Variants in NRXN3 observed in about 807,000 individuals in gnomAD.
NRXN3 encodes the protein neurexin 3.
In NRXN3, 32 loss-of-function variants were observed where a neutral mutation model predicts 137.6. The observed-to-expected ratio is 0.23, with a 90% CI of 0.18 to 0.31. The LOEUF is 0.31. Among genes scored for constraint, NRXN3 ranks in the 10% least tolerant of loss-of-function variants. The pLI is 1.00. For missense variants in NRXN3, 1,574 were observed against 2,062.5 expected (o/e 0.76, Z 4.59); for synonymous variants, 798 against 784.5 (o/e 1.02, Z -0.29).
At chr14:79,335,580 A>G (rs1448202746) in intron 15 of NRXN3, among the ~76,000 whole-genome samples, 1 of 152,116 alleles carries the variant, frequency 6.6e-6, no homozygotes, top group Non-Finnish European at 1.5e-5. Flanking sequence ...CAAAATATAC[A>G]TATATTTTTC....
chr14:79,800,228 C>T (rs926513275), intron 19 of NRXN3, among the ~76,000 whole-genome samples: 32 of 152,300 alleles, frequency 2.1e-4, no homozygotes, highest in Middle Eastern at 3.4e-3. Flanking sequence ...ACTTGATAAA[C>T]ATTCCCAACG....
At chr14:78,411,626 G>T (rs1471962089) in intron 4 of NRXN3, among the ~76,000 whole-genome samples, 1 of 152,196 alleles carries the variant, frequency 6.6e-6, no homozygotes, top group Non-Finnish European at 1.5e-5. Context: ...TCACTTCCAT[G>T]CATGGCTGTC....
chr14:78,766,372 T>C (rs2098709159), intron 8 of NRXN3, among the ~76,000 whole-genome samples: 1 of 152,154 alleles, frequency 6.6e-6, no homozygotes, highest in Non-Finnish European at 1.5e-5. Context: ...AGAAGGAAAA[T>C]ATTTATAGAA....
chr14:78,576,984 A>C (rs2096942464), intron 4 of NRXN3, among the ~76,000 whole-genome samples: 1 of 151,916 alleles, frequency 6.6e-6, no homozygotes, highest in Non-Finnish European at 1.5e-5. Flanking sequence ...GGCTGTTTTG[A>C]TTTGTATCTC....
At chr14:79,063,208 G>T (rs958955510) in intron 15 of NRXN3, among the ~76,000 whole-genome samples, 1 of 152,146 alleles carries the variant, frequency 6.6e-6, no homozygotes, top group African/African-American at 2.4e-5. Context: ...TGAAAGGAAA[G>T]GTGCCCACAT....
chr14:79,250,004 A>C (rs747955768), intron 15 of NRXN3, among the ~76,000 whole-genome samples: 1 of 152,234 alleles, frequency 6.6e-6, no homozygotes, highest in Non-Finnish European at 1.5e-5. Context: ...ACTAATAACC[A>C]ATCAGTATAC....
chr14:79,103,557 G>A (rs907108734), intron 15 of NRXN3, among the ~76,000 whole-genome samples: 2 of 152,098 alleles, frequency 1.3e-5, no homozygotes, highest in Admixed American at 6.6e-5. Flanking sequence ...AGGGAAGTTG[G>A]GGCCAGAGAT....
At chr14:79,409,615 GTC>G (rs1555430154) in intron 15 of NRXN3, among the ~76,000 whole-genome samples, 2 of 53,448 alleles carry the variant, frequency 3.7e-5, no homozygotes, top group South Asian at 7.3e-4. Flanking sequence ...GTGTGTGTGT[GTC>G]TATATATATA....
chr14:78,379,498 A>G (rs1329808907), intron 4 of NRXN3, among the ~76,000 whole-genome samples: 1 of 152,232 alleles, frequency 6.6e-6, no homozygotes, highest in African/African-American at 2.4e-5. Context: ...TTAACAGGCT[A>G]AAAAGAAAAA....
At chr14:79,202,185 A>G (rs886814643) in intron 15 of NRXN3, among the ~76,000 whole-genome samples, 1 of 151,920 alleles carries the variant, frequency 6.6e-6, no homozygotes, top group African/African-American at 2.4e-5. Flanking sequence ...TTCTCCCTGA[A>G]GAGGTTTTCA....
rs1038890445 is a variant in NRXN3 at position 79,323,884 on chromosome 14, T to C, written c.3263-143337T>C. On this transcript the variant is annotated intron_variant, in intron 15 of 20. Coordinates refer to ENST00000335750, the MANE Select transcript of NRXN3 (RefSeq NM_001330195.2). Reference sequence around the variant, plus strand: ...AAAAAAAAAAATTATATAGTATAATTCTAATAATGGGATGCTCCACTTCAC... The same window carrying C: ...AAAAAAAAAAATTATATAGTATAATCCTAATAATGGGATGCTCCACTTCAC... Among the ~76,000 whole-genome samples the C allele has an allele frequency of 5.3e-5, 8 of 152,172 alleles. No homozygotes were observed. In the East Asian group the frequency reaches 1.5e-3, roughly 29 times the overall value.
intron 1 of NRXN3, among the ~76,000 whole-genome samples, chr14:78,205,207 T>C (rs892515521): frequency 7.9e-5 from 12 of 152,196 alleles, no homozygotes; most frequent in African/African-American, 2.7e-4. Flanking sequence ...CGAGGACTGA[T>C]TGGATGTGTT....
chr14:78,664,378 C>G (rs2097864358), intron 6 of NRXN3, among the ~76,000 whole-genome samples: 1 of 152,184 alleles, frequency 6.6e-6, no homozygotes, highest in African/African-American at 2.4e-5. Context: ...AAGATTCCCT[C>G]TCTTAATCTT....
chr14:79,243,770 G>A (rs1488781368), intron 15 of NRXN3, among the ~76,000 whole-genome samples: 1 of 152,042 alleles, frequency 6.6e-6, no homozygotes, highest in East Asian at 1.9e-4. Flanking sequence ...ATAGAAAAGG[G>A]ATAGCAAAAA....
chr14:78,545,479 C>T (rs955492310), intron 4 of NRXN3, among the ~76,000 whole-genome samples: 1 of 152,066 alleles, frequency 6.6e-6, no homozygotes, highest in Non-Finnish European at 1.5e-5. Flanking sequence ...ATATTAATAA[C>T]CTAGTATAAA....
At chr14:79,568,416 T>G (rs1340038920) in intron 16 of NRXN3, among the ~76,000 whole-genome samples, 1 of 152,168 alleles carries the variant, frequency 6.6e-6, no homozygotes, top group Non-Finnish European at 1.5e-5. Context: ...GCTTAGAACT[T>G]TCAATGAATT....
At chr14:78,775,855 C>T (rs1223307928) in intron 8 of NRXN3, among the ~76,000 whole-genome samples, 2 of 152,188 alleles carry the variant, frequency 1.3e-5, no homozygotes, top group African/African-American at 4.8e-5. Context: ...CTGTATGAAA[C>T]TATTAAATGG....
At chr14:79,675,001 A>C (rs1316042558) in intron 17 of NRXN3, among the ~76,000 whole-genome samples, 1 of 151,974 alleles carries the variant, frequency 6.6e-6, no homozygotes, top group Non-Finnish European at 1.5e-5. Flanking sequence ...GGGATACACT[A>C]TTTGTTTTTG....
chr14:78,511,173 C>A (rs370750167), intron 4 of NRXN3, among the ~76,000 whole-genome samples: 4 of 152,074 alleles, frequency 2.6e-5, no homozygotes, highest in Non-Finnish European at 4.4e-5. Flanking sequence ...ACAACAACAA[C>A]AAAAAACATC....
Sources: gnomAD v4.1 joint callset for allele counts (sites outside exome capture counted in the v4.1 genomes callset) on GRCh38, gnomAD v4.1.1 for gene constraint, MANE v1.5 for transcripts, NCBI Gene and HGNC (gene_info 2026-07-23, HGNC 2026-07-21) for gene names.